Variants in TSHZ3 observed in about 807,000 individuals in gnomAD.
TSHZ3 encodes teashirt zinc finger homeobox 3.
A neutral mutation model predicts 64.5 loss-of-function variants in TSHZ3; 10 were observed. That is an observed-to-expected ratio of 0.16 (90% CI 0.10 to 0.26). The LOEUF (loss-of-function observed/expected upper bound fraction) is 0.26, where lower values mean the gene tolerates loss of function less well. Among genes scored for constraint, TSHZ3 ranks in the 10% least tolerant of loss-of-function variants. The pLI is 1.00. For synonymous variants in TSHZ3, 608 were observed against 593.1 expected (o/e 1.03, Z -0.36); for missense variants, 1,242 against 1,421.7 (o/e 0.87, Z 2.03).
intron 5 of TSHZ3, among the ~76,000 whole-genome samples, chr19:31,162,144 C>T (rs545194823): frequency 6.6e-6 from 1 of 152,140 alleles, no homozygotes; most frequent in Non-Finnish European, 1.5e-5. Flanking sequence ...TGATTTTATT[C>T]TCCAAGGATC....
chr19:31,216,804 T>A (rs1454919593), intron 4 of TSHZ3, among the ~76,000 whole-genome samples: 3 of 151,218 alleles, frequency 2.0e-5, no homozygotes, highest in African/African-American at 7.3e-5. Flanking sequence ...CTGGCCAATT[T>A]TTTTTATTTT....
chr19:31,293,855 G>C (rs1048826053), intron 1 of TSHZ3, among the ~76,000 whole-genome samples: 3 of 152,114 alleles, frequency 2.0e-5, no homozygotes, highest in African/African-American at 7.2e-5. Flanking sequence ...CTTTTAGTTT[G>C]GATGGCGCTG....
upstream of TSHZ3, chr19:31,349,519 G>A (rs1599666472): frequency 2.9e-6 from 1 of 343,622 alleles, no homozygotes; most frequent in Non-Finnish European, 5.2e-6. Context: ...GGAGGAGGAG[G>A]AGGACCGCGC....
At chr19:31,254,046 C>T (rs1345811520) in intron 1 of TSHZ3, among the ~76,000 whole-genome samples, 8 of 152,220 alleles carry the variant, frequency 5.3e-5, no homozygotes, top group South Asian at 4.2e-4. Flanking sequence ...CAGAACAGAC[C>T]GGCTCACAGA....
At chr19:31,171,558 T>C (rs1023356838) in intron 5 of TSHZ3, among the ~76,000 whole-genome samples, 1 of 151,172 alleles carries the variant, frequency 6.6e-6, no homozygotes, top group Non-Finnish European at 1.5e-5. Context: ...CATACAAAGA[T>C]AAATTTCAAG....
intron 1 of TSHZ3, among the ~76,000 whole-genome samples, chr19:31,253,795 C>T (rs1975873515): frequency 6.6e-6 from 1 of 152,224 alleles, no homozygotes; most frequent in Non-Finnish European, 1.5e-5. Flanking sequence ...CCCTGTCCCC[C>T]ACCCACCAGT....
chr19:31,165,184 G>A (rs780469243), intron 5 of TSHZ3, among the ~76,000 whole-genome samples: 25 of 152,298 alleles, frequency 1.6e-4, no homozygotes, highest in Admixed American at 4.6e-4. Context: ...TCCTTTCAGC[G>A]TCTGCCAATC....
chr19:31,162,978 GTCTC>G (rs997660055), intron 5 of TSHZ3, among the ~76,000 whole-genome samples: 1 of 152,158 alleles, frequency 6.6e-6, no homozygotes, highest in African/African-American at 2.4e-5. Context: ...AATAAGCTAG[GTCTC>G]TCTCATTATC....
At chr19:31,339,405 C>A (rs1209183542) in intron 1 of TSHZ3, among the ~76,000 whole-genome samples, 2 of 152,044 alleles carry the variant, frequency 1.3e-5, no homozygotes, top group Admixed American at 6.5e-5. Flanking sequence ...GCAGGCTCTA[C>A]CCCCTTCTCC....
intron 1 of TSHZ3, among the ~76,000 whole-genome samples, chr19:31,289,451 AAGG>A (rs1347569532): frequency 1.3e-5 from 2 of 152,190 alleles, no homozygotes; most frequent in Non-Finnish European, 2.9e-5. Flanking sequence ...AGGGCAAGGA[AAGG>A]AGGCAAGGAA....
intron 1 of TSHZ3, among the ~76,000 whole-genome samples, chr19:31,327,775 G>A (rs755143484): frequency 1.3e-5 from 2 of 152,098 alleles, no homozygotes; most frequent in Non-Finnish European, 2.9e-5. Context: ...AAAACACCCT[G>A]CACAGCCCCT....
At chr19:31,306,235 G>A (rs545925782) in intron 1 of TSHZ3, among the ~76,000 whole-genome samples, 2 of 152,318 alleles carry the variant, frequency 1.3e-5, no homozygotes, top group East Asian at 1.9e-4. Flanking sequence ...GACAGGTGAC[G>A]CGGCGGGCTG....
intron 5 of TSHZ3, among the ~76,000 whole-genome samples, chr19:31,158,015 G>T (rs888812858): frequency 2.0e-5 from 3 of 152,164 alleles, no homozygotes; most frequent in African/African-American, 7.2e-5. Context: ...TAAAGTTCAG[G>T]CAGAACAATG....
At chr19:31,157,190 T>C (rs1162966981) in intron 5 of TSHZ3, among the ~76,000 whole-genome samples, 2 of 152,116 alleles carry the variant, frequency 1.3e-5, no homozygotes, top group Admixed American at 1.3e-4. Flanking sequence ...TAGTGGTGCT[T>C]GTAATACAAG....
chr19:31,270,482 T>C (rs1392073510), downstream of TSHZ3, among the ~76,000 whole-genome samples: 1 of 152,212 alleles, frequency 6.6e-6, no homozygotes, highest in African/African-American at 2.4e-5. Flanking sequence ...ATTTCTATTT[T>C]TTATTTTTTG....
chr19:31,288,231 C>G (rs1449232722), intron 1 of TSHZ3, among the ~76,000 whole-genome samples: 1 of 152,176 alleles, frequency 6.6e-6, no homozygotes, highest in Non-Finnish European at 1.5e-5. Flanking sequence ...CAAGCAGGCT[C>G]TCCAGGACTC....
chr19:31,278,162 C>G lies in TSHZ3; in HGVS notation c.1631G>C (p.Trp544Ser). The change falls in exon 2 of 2, where the codon TGG becomes TCG. Residue 544 changes from tryptophan to serine, a missense_variant. By Grantham distance (177) the Trp-to-Ser change is radical. Transcript: ENST00000240587. The surrounding 1 kb of genome is among the most constrained non-coding windows in gnomAD (Gnocchi z 4.7). Reference sequence around the variant, plus strand: ...GGCATGGATGCTGGGATAGCCCCCCCAGCTAGGAGTGCCGTTCTGGGCCTT... The same window carrying G: ...GGCATGGATGCTGGGATAGCCCCCCGAGCTAGGAGTGCCGTTCTGGGCCTT... ...INKAQNGTPS[W>S]GGYPSIHAAY... The G allele has an allele frequency of 6.2e-7, 1 of 1,614,164 alleles. No individual in the cohort carries two copies. Among genetic ancestry groups the G allele is most frequent in the South Asian group, 1.1e-5 (1 of 91,084 alleles).
At chr19:31,310,262 AG>A (rs1916418853) in intron 1 of TSHZ3, among the ~76,000 whole-genome samples, 1 of 152,166 alleles carries the variant, frequency 6.6e-6, no homozygotes, top group Admixed American at 6.5e-5. Context: ...ATGGACCAGA[AG>A]TGAAGATGAA....
chr19:31,292,943 A>G (rs2145132032), intron 1 of TSHZ3, among the ~76,000 whole-genome samples: 1 of 151,146 alleles, frequency 6.6e-6, no homozygotes, highest in Middle Eastern at 3.5e-3. Context: ...CCATCCAACC[A>G]AAAACCCATC....
Sources: allele counts gnomAD v4.1 joint callset (sites outside exome capture counted in the v4.1 genomes callset), GRCh38; gene constraint gnomAD v4.1.1; non-coding constraint Gnocchi (gnomAD v3.1); transcripts MANE v1.5; gene names NCBI Gene and HGNC (gene_info 2026-07-23, HGNC 2026-07-21).